The following VOPP1 variants were observed in gnomAD, a reference collection of about 807,000 sequenced individuals.
VOPP1 encodes the protein VOPP1 WW domain binding protein.
A neutral mutation model predicts 23.5 loss-of-function variants in VOPP1; 8 were observed. The observed-to-expected ratio is 0.34, with a 90% CI of 0.20 to 0.61. The LOEUF is 0.61. Ranked by LOEUF, VOPP1 falls within the 20% of genes least tolerant of loss-of-function variation. VOPP1 has a pLI of 0.78. For missense variants in VOPP1, 174 were observed against 238.1 expected, an observed-to-expected ratio of 0.73 and a Z score of 1.77; for synonymous variants, 83 against 97.3, an observed-to-expected ratio of 0.85 and a Z score of 0.86.
intron 3 of VOPP1, among the ~76,000 whole-genome samples, chr7:55,494,194 A>C (rs1200573216): frequency 6.6e-6 from 1 of 152,208 alleles, no homozygotes; most frequent in Non-Finnish European, 1.5e-5. Flanking sequence ...AACACTCACT[A>C]AGTTCCCAAA....
chr7:55,523,342 G>T (rs370039197), intron 1 of VOPP1, among the ~76,000 whole-genome samples: 1 of 151,948 alleles, frequency 6.6e-6, no homozygotes, highest in East Asian at 1.9e-4. Context: ...AACATCACAG[G>T]TATCCCATAA....
At chr7:55,528,553 C>T (rs1000431289) in intron 1 of VOPP1, among the ~76,000 whole-genome samples, 2 of 152,036 alleles carry the variant, frequency 1.3e-5, no homozygotes, top group Non-Finnish European at 2.9e-5. Flanking sequence ...GGCGTGGTGG[C>T]GCATGCCTGT....
intron 1 of VOPP1, among the ~76,000 whole-genome samples, chr7:55,543,207 A>T (rs977979141): frequency 6.6e-6 from 1 of 152,070 alleles, no homozygotes; most frequent in African/African-American, 2.4e-5. Context: ...GAGCCACCGC[A>T]CCCAGCCTAG....
chr7:55,461,608 C>G (rs149064329), intron 4 of VOPP1, among the ~76,000 whole-genome samples: 1,831 of 152,042 alleles, frequency 0.012, 13 homozygotes, highest in Admixed American at 0.021. Flanking sequence ...AGTAGAGACA[C>G]GGTTTCACCA....
In VOPP1 at chr7:55,470,921, CTG is replaced by C. The variant is rs1197631502; in HGVS notation, c.*1932_*1933del. On this transcript the variant is annotated 3_prime_UTR_variant, in exon 5 of 5. Transcript: ENST00000285279. Reference sequence around the variant, plus strand: ...AACCAAGTTCAAGGGAAAACAAACTCTGTCTCACACAAACATGGGAATACAAA... The same window carrying C: ...AACCAAGTTCAAGGGAAAACAAACTCTCTCACACAAACATGGGAATACAAA... 12 of 152,310 alleles carry C rather than the reference CTG, an allele frequency of 7.9e-5. No homozygotes were observed. The highest frequency in any genetic ancestry group is 7.9e-4 in the Admixed American group (12 of 15,274). 9.4% of individuals were successfully genotyped at this position (152,310 alleles called of 1,614,324 possible).
At chr7:55,468,044 C>T (rs1033760925), downstream of VOPP1, among the ~76,000 whole-genome samples, 3 of 152,062 alleles carry the variant, frequency 2.0e-5, no homozygotes, top group South Asian at 2.1e-4. Context: ...GAGGCCGAGG[C>T]GGGCGGATCA....
chr7:55,448,978 G>A (rs980970111), intron 4 of VOPP1, among the ~76,000 whole-genome samples: 7 of 152,218 alleles, frequency 4.6e-5, no homozygotes, highest in African/African-American at 1.7e-4. Flanking sequence ...AGAGGGGACC[G>A]TTGAAATACC....
At chr7:55,479,625 C>T (rs1173240602) in intron 4 of VOPP1, among the ~76,000 whole-genome samples, 1 of 152,152 alleles carries the variant, frequency 6.6e-6, no homozygotes, top group Non-Finnish European at 1.5e-5. Context: ...AATTTTAGAG[C>T]AATATTAAAT....
chr7:55,447,651 T>C (rs1791135705), intron 4 of VOPP1, among the ~76,000 whole-genome samples: 1 of 152,256 alleles, frequency 6.6e-6, no homozygotes, highest in South Asian at 2.1e-4. Context: ...TTTAATGCAG[T>C]ATGTATGCTA....
intron 4 of VOPP1, among the ~76,000 whole-genome samples, chr7:55,490,137 T>C (rs1374062246): frequency 2.0e-5 from 3 of 152,058 alleles, no homozygotes; most frequent in African/African-American, 4.8e-5. Flanking sequence ...CCAGGTGAGC[T>C]GGCAGAGACC....
At chr7:55,508,756 T>C (rs1481394649) in intron 2 of VOPP1, among the ~76,000 whole-genome samples, 1 of 150,474 alleles carries the variant, frequency 6.6e-6, no homozygotes, top group African/African-American at 2.5e-5. Flanking sequence ...TCAGAAACAG[T>C]TATTACCAGA....
At chr7:55,514,419 T>G (rs1254216898) in intron 2 of VOPP1, among the ~76,000 whole-genome samples, 1 of 152,106 alleles carries the variant, frequency 6.6e-6, no homozygotes, top group Non-Finnish European at 1.5e-5. Context: ...GCATAGCAGG[T>G]CTAGAGACGA....
chr7:55,443,556 A>G (rs556950274), intron 4 of VOPP1, among the ~76,000 whole-genome samples: 2 of 152,366 alleles, frequency 1.3e-5, no homozygotes, highest in Admixed American at 6.5e-5. Flanking sequence ...TCTGTCTCAA[A>G]AAACAAAACA....
At chr7:55,542,416 C>T (rs941670991) in intron 1 of VOPP1, among the ~76,000 whole-genome samples, 8 of 152,210 alleles carry the variant, frequency 5.3e-5, no homozygotes, top group African/African-American at 1.7e-4. Flanking sequence ...CCCGTCTCCC[C>T]ACTACCCTTT....
At chr7:55,568,709 A>G (rs1466438013) in intron 1 of VOPP1, among the ~76,000 whole-genome samples, 3 of 152,234 alleles carry the variant, frequency 2.0e-5, no homozygotes, top group African/African-American at 7.2e-5. Flanking sequence ...CAATGCACAC[A>G]ACAAAAAGCC....
At chr7:55,531,721 G>A (rs866752632) in intron 1 of VOPP1, among the ~76,000 whole-genome samples, 1 of 152,142 alleles carries the variant, frequency 6.6e-6, no homozygotes, top group South Asian at 2.1e-4. Flanking sequence ...CAACAGATCA[G>A]CTCTGCCACC....
chr7:55,440,527 C>T (rs956203297), intron 4 of VOPP1, among the ~76,000 whole-genome samples: 1 of 152,264 alleles, frequency 6.6e-6, no homozygotes, highest in Non-Finnish European at 1.5e-5. Context: ...CAGTGACTGA[C>T]AGCGGCTGGG....
chr7:55,492,319 A>G lies in VOPP1; in HGVS notation c.291T>C (p.Asn97=), dbSNP rs202153178. 3.0e-5 allele frequency: 48 copies of G among 1,611,424 alleles called. No individual in the cohort carries two copies. The East Asian group carries it at 1.1e-3, about 36-fold the overall frequency. ...TTGGGGGCTGCCTGGTGTAGGACAC[A>G]TTGAAGGCTGGCTCCTCGATCAGCG... is the stretch of plus-strand genomic sequence containing the variant. The part of the protein sequence containing the change: ...PPPLIEEPAF[N]VSYTRQPPNP... The change falls in exon 4 of 5, where the codon AAT becomes AAC. Residue 97 remains asparagine, a synonymous_variant. Transcript: ENST00000285279.
chr7:55,563,093 G>A (rs995837426), intron 1 of VOPP1, among the ~76,000 whole-genome samples: 2 of 152,044 alleles, frequency 1.3e-5, no homozygotes, highest in Admixed American at 6.5e-5. Flanking sequence ...CATGTATAGT[G>A]TCAATCAAAT....
Sources: allele counts gnomAD v4.1 joint callset (sites outside exome capture counted in the v4.1 genomes callset), GRCh38; gene constraint gnomAD v4.1.1; transcripts MANE v1.5; gene names NCBI Gene and HGNC (gene_info 2026-07-23, HGNC 2026-07-21).